PLPPR1: variants seen among roughly 807,000 people sequenced by gnomAD.
PLPPR1 encodes the protein phospholipid phosphatase-related protein type 1.
In PLPPR1, 10 loss-of-function variants were observed where a neutral mutation model predicts 33.1. The ratio of observed to expected loss-of-function variants is 0.30; its 90% CI spans 0.19 to 0.51. The LOEUF is 0.51. PLPPR1 is among the 20% of genes least tolerant of loss of function. The probability of loss-of-function intolerance (pLI) is 0.97; values close to 1 mark genes in which losing one functional copy is unlikely to be tolerated. For synonymous variants in PLPPR1, 151 were observed against 151.0 expected (o/e 1.00, Z 0.00); for missense variants, 304 against 408.1 (o/e 0.74, Z 2.20).
chr9:101,237,796 GAGT>G (rs1357146675), intron 2 of PLPPR1, among the ~76,000 whole-genome samples: 2 of 130,174 alleles, frequency 1.5e-5, no homozygotes, highest in African/African-American at 3.0e-5. Context: ...TTTTATAGAT[GAGT>G]AGTATTCCAT....
intron 2 of PLPPR1, among the ~76,000 whole-genome samples, chr9:101,245,848 T>C (rs1827586218): frequency 1.3e-5 from 2 of 151,636 alleles, no homozygotes; most frequent in South Asian, 4.1e-4. Flanking sequence ...TCCAAGTAGC[T>C]GTCAAATTAC....
At chr9:101,208,295 G>T (rs1450420901) in intron 2 of PLPPR1, among the ~76,000 whole-genome samples, 1 of 66,468 alleles carries the variant, frequency 1.5e-5, no homozygotes, top group African/African-American at 6.6e-5. Flanking sequence ...AGAAGGTGTG[G>T]TTGTCACACA....
intron 1 of PLPPR1, among the ~76,000 whole-genome samples, chr9:101,067,439 T>C (rs1265571279): frequency 6.6e-6 from 1 of 151,964 alleles, no homozygotes; most frequent in African/African-American, 2.4e-5. Context: ...TTGTATTGAA[T>C]AGGATGGTTA....
chr9:101,105,810 T>C (rs1188664584), intron 1 of PLPPR1, among the ~76,000 whole-genome samples: 2 of 105,418 alleles, frequency 1.9e-5, no homozygotes, highest in African/African-American at 8.1e-5. Flanking sequence ...CACTCAGGAC[T>C]TGCTTTATGA....
intron 1 of PLPPR1, among the ~76,000 whole-genome samples, chr9:101,131,299 G>T (rs376350521): frequency 6.6e-6 from 1 of 152,136 alleles, no homozygotes; most frequent in East Asian, 1.9e-4. Flanking sequence ...TTCTTTTAAG[G>T]GGAGAATACC....
At chr9:101,291,284 G>A (rs1412539073) in intron 4 of PLPPR1, among the ~76,000 whole-genome samples, 1 of 152,252 alleles carries the variant, frequency 6.6e-6, no homozygotes, top group African/African-American at 2.4e-5. Context: ...AAAGCAGCCG[G>A]GAAGCTCGAA....
intron 1 of PLPPR1, among the ~76,000 whole-genome samples, chr9:101,029,524 G>T (rs891925896): frequency 6.6e-6 from 1 of 152,140 alleles, no homozygotes; most frequent in Non-Finnish European, 1.5e-5. Flanking sequence ...CCCGGGCGGG[G>T]GTTGAGATTT....
At chr9:101,218,859 A>G (rs1014926285) in intron 2 of PLPPR1, among the ~76,000 whole-genome samples, 1 of 152,238 alleles carries the variant, frequency 6.6e-6, no homozygotes, top group African/African-American at 2.4e-5. Flanking sequence ...GAAAAGAATT[A>G]CTGGAATGCT....
chr9:101,054,959 C>A (rs1426648015), intron 1 of PLPPR1, among the ~76,000 whole-genome samples: 1 of 152,102 alleles, frequency 6.6e-6, no homozygotes, highest in Non-Finnish European at 1.5e-5. Context: ...GAGCTAAGCA[C>A]TTTTTTCTTT....
At chr9:101,075,603 T>G (rs1415540619) in intron 1 of PLPPR1, among the ~76,000 whole-genome samples, 1 of 152,238 alleles carries the variant, frequency 6.6e-6, no homozygotes, top group Non-Finnish European at 1.5e-5. Flanking sequence ...AAACTCAAAC[T>G]GCTATCTGGT....
chr9:101,231,848 T>A (rs1367905669), intron 2 of PLPPR1, among the ~76,000 whole-genome samples: 1 of 152,108 alleles, frequency 6.6e-6, no homozygotes, highest in South Asian at 2.1e-4. Flanking sequence ...AAACCAAGTT[T>A]ATGCTAATCC....
At chr9:101,045,862 C>T (rs1319969921) in intron 1 of PLPPR1, among the ~76,000 whole-genome samples, 1 of 152,184 alleles carries the variant, frequency 6.6e-6, no homozygotes, top group Non-Finnish European at 1.5e-5. Context: ...TTGTAAGGAG[C>T]ATCTGAGCTG....
At chr9:101,043,131 TC>T (rs1830099011) in intron 1 of PLPPR1, among the ~76,000 whole-genome samples, 1 of 151,992 alleles carries the variant, frequency 6.6e-6, no homozygotes, top group South Asian at 2.1e-4. Flanking sequence ...ATAGTTTAGC[TC>T]CCACTTATGA....
chr9:101,203,048 G>A lies in PLPPR1; in HGVS notation c.63+17491G>A, dbSNP rs1826521052. Among the ~76,000 whole-genome samples the A allele has an allele frequency of 2.6e-5, 4 of 152,260 alleles. No individual in the cohort carries two copies. The South Asian group carries it at 8.3e-4, about 32-fold the overall frequency. On this transcript the variant is annotated intron_variant, in intron 2 of 7. Coordinates refer to ENST00000374874, the MANE Select transcript of PLPPR1 (RefSeq NM_207299.2). Reference sequence around the variant, plus strand: ...TATAAGAAATATCAAATAATCCCAAGACCTCAAATCATCGATTTTTTACAA... The same window carrying A: ...TATAAGAAATATCAAATAATCCCAAAACCTCAAATCATCGATTTTTTACAA...
intron 4 of PLPPR1, among the ~76,000 whole-genome samples, chr9:101,305,406 T>C (rs1385901504): frequency 6.6e-6 from 1 of 152,194 alleles, no homozygotes; most frequent in Non-Finnish European, 1.5e-5. Flanking sequence ...CAATGAGAGA[T>C]GATCCATCAG....
At chr9:101,260,787 G>T (rs750749316) in intron 2 of PLPPR1, among the ~76,000 whole-genome samples, 1 of 152,096 alleles carries the variant, frequency 6.6e-6, no homozygotes, top group Non-Finnish European at 1.5e-5. Flanking sequence ...AAAGAGATGA[G>T]ATCTCCCTAG....
At chr9:101,314,006 G>A (rs1002269372) in intron 6 of PLPPR1, among the ~76,000 whole-genome samples, 2 of 152,190 alleles carry the variant, frequency 1.3e-5, no homozygotes, top group African/African-American at 4.8e-5. Context: ...TTGCTGTGTA[G>A]TATTCCATTG....
At chr9:101,166,196 GT>G (rs957703589) in intron 1 of PLPPR1, among the ~76,000 whole-genome samples, 1 of 151,808 alleles carries the variant, frequency 6.6e-6, no homozygotes, top group Non-Finnish European at 1.5e-5. Flanking sequence ...TATGGCCGTG[GT>G]TTTTTTTCAC....
chr9:101,081,244 C>G (rs1830614544), intron 1 of PLPPR1, among the ~76,000 whole-genome samples: 1 of 151,970 alleles, frequency 6.6e-6, no homozygotes, highest in African/African-American at 2.4e-5. Context: ...GAGACAGAGT[C>G]TCGCTCTGTC....
Sources: gnomAD v4.1 joint callset for allele counts (sites outside exome capture counted in the v4.1 genomes callset) on GRCh38, gnomAD v4.1.1 for gene constraint, MANE v1.5 for transcripts, NCBI Gene and HGNC (gene_info 2026-07-23, HGNC 2026-07-21) for gene names.